HABP2: variants seen among roughly 807,000 people sequenced by gnomAD.
The protein encoded by HABP2 is factor VII-activating protease.
Under a neutral mutation model 66.5 loss-of-function variants are expected in HABP2, and 65 were observed. The observed-to-expected ratio is 0.98, with a 90% confidence interval of 0.80 to 1.20. The LOEUF is 1.20. Ranked by LOEUF, HABP2 falls within the 50% of genes most tolerant of loss-of-function variation. HABP2 has a pLI of 0.00. For synonymous variants in HABP2, 263 were observed against 253.9 expected (o/e 1.04, Z -0.34); for missense variants, 786 against 691.0 (o/e 1.14, Z -1.54).
rs886046751 is a variant in HABP2, at chr10:113,589,420, C to G, written c.*1051C>G. ...CCCTGGCCCGGGATTGATGTAGCCC[C>G]GGTAGGTTTGCCTCTGCAGAACTAA... On this transcript the variant is annotated 3_prime_UTR_variant, in exon 13 of 13. Coordinates refer to ENST00000351270, the MANE Select transcript of HABP2 (RefSeq NM_004132.5). 8.5e-6 allele frequency: 5 copies of G among 587,424 alleles called. No individual in the cohort carries two copies. The highest frequency in any genetic ancestry group is 6.5e-5 in the South Asian group (3 of 45,982). The allele number at this position is 587,424 out of a possible 1,614,324, so 36.4% of individuals were successfully genotyped here. A position where few individuals can be genotyped will look rare whatever the true frequency, so the allele number is the denominator to read the frequency against.
At chr10:113,573,348 G>T (rs1055460784) in intron 2 of HABP2, among the ~76,000 whole-genome samples, 2 of 152,194 alleles carry the variant, frequency 1.3e-5, no homozygotes, top group African/African-American at 2.4e-5. Flanking sequence ...ACAACTGTAG[G>T]CAAGATCCAT....
chr10:113,551,977 C>T (rs4244308), upstream of HABP2, among the ~76,000 whole-genome samples: 146,618 of 152,136 alleles, frequency 0.96, 70,740 homozygotes, highest in East Asian at 1. Context: ...ATGTGGAAGT[C>T]ATTTAGGAGG....
chr10:113,564,004 C>A (rs1845149049), intron 1 of HABP2, among the ~76,000 whole-genome samples: 1 of 152,068 alleles, frequency 6.6e-6, no homozygotes, highest in African/African-American at 2.4e-5. Context: ...TGTATTAGTC[C>A]ATTCTCATGC....
chr10:113,551,506 T>A (rs1332182339), upstream of HABP2, among the ~76,000 whole-genome samples: 2 of 152,280 alleles, frequency 1.3e-5, no homozygotes, highest in Admixed American at 6.5e-5. Flanking sequence ...AGAAGAACTT[T>A]CTAGGAAAAG....
intron 2 of HABP2, chr10:113,569,624 C>T (rs140060046): frequency 6.6e-6 from 1 of 152,582 alleles, no homozygotes; most frequent in African/African-American, 2.4e-5. Flanking sequence ...ACAGCACAGA[C>T]TCTGCCAATC....
chr10:113,573,580 C>T (rs1249763370), intron 2 of HABP2, among the ~76,000 whole-genome samples: 1 of 152,120 alleles, frequency 6.6e-6, no homozygotes, highest in African/African-American at 2.4e-5. Flanking sequence ...ACTATGTGTC[C>T]TTGGCCAAGT....
chr10:113,575,826 G>T lies in HABP2; in HGVS notation c.224-71G>T, dbSNP rs1427120704. 80 of 833,752 alleles carry T rather than the reference G, an allele frequency of 9.6e-5. 1 individual carries two copies. The South Asian group carries it at 1.2e-3, about 12-fold the overall frequency. 51.6% of individuals were successfully genotyped at this position (833,752 alleles called of 1,614,324 possible). A position where few individuals can be genotyped will look rare whatever the true frequency, so the allele number is the denominator to read the frequency against. On this transcript the variant is annotated intron_variant, in intron 3 of 12. Transcript: ENST00000351270. ...TTGGGGCAGGAGACTGAAATTTGATGAAAAATTTGGAGGGGGGCGCTTCTC... is the reference window on the plus strand; with the variant it reads ...TTGGGGCAGGAGACTGAAATTTGATTAAAAATTTGGAGGGGGGCGCTTCTC...
At chr10:113,587,833 C>T (rs1433075531) in intron 12 of HABP2, among the ~76,000 whole-genome samples, 1 of 152,038 alleles carries the variant, frequency 6.6e-6, no homozygotes, top group Admixed American at 6.6e-5. Context: ...GGAGATCTAA[C>T]CCCATAGACC....
At chr10:113,571,696 T>C (rs1845315179) in intron 2 of HABP2, among the ~76,000 whole-genome samples, 1 of 152,188 alleles carries the variant, frequency 6.6e-6, no homozygotes, top group South Asian at 2.1e-4. Flanking sequence ...GCGCCAGGCC[T>C]AGACTTGGTC....
At chr10:113,583,849 C>G (rs930158123) in intron 10 of HABP2, among the ~76,000 whole-genome samples, 2 of 152,232 alleles carry the variant, frequency 1.3e-5, no homozygotes, top group Non-Finnish European at 2.9e-5. Context: ...CATGAGACAC[C>G]CCCCCACCTC....
intron 1 of HABP2, among the ~76,000 whole-genome samples, chr10:113,562,397 A>G (rs995825541): frequency 2.0e-5 from 3 of 149,450 alleles, no homozygotes; most frequent in African/African-American, 7.4e-5. Context: ...GGGGCCAAGT[A>G]GGCCCTCTCT....
rs749160931 is a variant in HABP2 at position 113,578,634 on chromosome 10, TGAC to T, written c.577_579del (p.Asp193del). Reference sequence around the variant, plus strand: ...CTACCTGCTCTCTCGGAGGTTCTGATGACTGCTATGTTGGCGATGGCTACTCTT... The same window carrying T: ...CTACCTGCTCTCTCGGAGGTTCTGATTGCTATGTTGGCGATGGCTACTCTT... On this transcript the variant is annotated inframe_deletion, in exon 7 of 13. Coordinates refer to ENST00000351270, the MANE Select transcript of HABP2 (RefSeq NM_004132.5). 4 of 1,612,026 alleles carry T rather than the reference TGAC, an allele frequency of 2.5e-6. No homozygotes were observed. Among genetic ancestry groups the T allele is most frequent in the Non-Finnish European group, 2.5e-6 (3 of 1,178,556 alleles).
At chr10:113,588,113 C>T (rs1845691242) in intron 12 of HABP2, 92 bp from the exon 13 acceptor site, 1 of 1,078,074 alleles carries the variant, frequency 9.3e-7, no homozygotes, top group South Asian at 1.8e-5. Context: ...GGACTCCACC[C>T]CATCCCTCCC....
intron 8 of HABP2, 150 bp from the exon 9 acceptor site, chr10:113,581,726 A>G (rs1376037940): frequency 1.4e-6 from 1 of 714,110 alleles, no homozygotes; most frequent in East Asian, 2.5e-5. Flanking sequence ...CTGTGCACCT[A>G]CTGCATGCCC....
chr10:113,557,862 G>C (rs1277695100), intron 1 of HABP2, among the ~76,000 whole-genome samples: 3 of 152,236 alleles, frequency 2.0e-5, no homozygotes, highest in Non-Finnish European at 4.4e-5. Context: ...CAAACCCTAT[G>C]AGTTAGGGAC....
chr10:113,552,960 T>A (rs114903069), upstream of HABP2: 67 of 593,732 alleles, frequency 1.1e-4, no homozygotes, highest in African/African-American at 1.2e-3. Flanking sequence ...ATAGTTAGTT[T>A]GCAAAACATT....
chr10:113,578,500 G>A (rs1845456229), intron 6 of HABP2, 127 bp from the exon 7 acceptor site: 2 of 687,440 alleles, frequency 2.9e-6, no homozygotes, highest in South Asian at 1.8e-5. Context: ...TGAAATTCGT[G>A]GTGAAATCTC....
chr10:113,588,480 T>C lies in HABP2; in HGVS notation c.*111T>C, dbSNP rs1280481559. The stretch of plus-strand genomic sequence containing the variant: ...GCCTCCAGGGGACCACACAGTAGAC[T>C]ATCCCTACTCTAAGCAGAGACAACT... On this transcript the variant is annotated 3_prime_UTR_variant, in exon 13 of 13. Transcript: ENST00000351270. 1.3e-6 allele frequency: 1 copy of C among 748,324 alleles called. No homozygotes were observed. The highest frequency in any genetic ancestry group is 2.7e-5 in the East Asian group (1 of 37,394). The allele number at this position is 748,324 out of a possible 1,614,324, so 46.4% of individuals were successfully genotyped here.
Position 113,575,757 on chromosome 10 carries a change from T to C in HABP2, c.224-140T>C, listed in dbSNP as rs189737991. 2.0e-4 allele frequency: 132 copies of C among 660,616 alleles called. 1 individual carries two copies. Among genetic ancestry groups the C allele is most frequent in the Middle Eastern group, 1.2e-3 (3 of 2,466 alleles). The allele number at this position is 660,616 out of a possible 1,614,324, so 40.9% of individuals were successfully genotyped here. Reference sequence around the variant, plus strand: ...CTTGCTGTTTAGGGACAACATATGTTTTCCTCCTTTCCCCAGTTTCTGGCT... The same window carrying C: ...CTTGCTGTTTAGGGACAACATATGTCTTCCTCCTTTCCCCAGTTTCTGGCT... On this transcript the variant is annotated intron_variant, in intron 3 of 12. Transcript: ENST00000351270.
Sources: allele counts gnomAD v4.1 joint callset (sites outside exome capture counted in the v4.1 genomes callset), GRCh38; gene constraint gnomAD v4.1.1; transcripts MANE v1.5; gene names NCBI Gene and HGNC (gene_info 2026-07-23, HGNC 2026-07-21).